Variants in SORT1 observed in about 807,000 individuals in gnomAD.
SORT1 encodes sortilin.
SORT1 carries 39 observed loss-of-function variants against 101.7 expected under a neutral mutation model. That is an observed-to-expected ratio of 0.38 (90% confidence interval 0.30 to 0.50). The LOEUF is 0.50. Among genes scored for constraint, SORT1 ranks in the 20% least tolerant of loss-of-function variants. SORT1 has a pLI of 0.90. For synonymous variants in SORT1, 396 were observed against 393.7 expected, an observed-to-expected ratio of 1.01 and a Z score of -0.07; for missense variants, 878 against 1,040.4, an observed-to-expected ratio of 0.84 and a Z score of 2.15.
intron 1 of SORT1, among the ~76,000 whole-genome samples, chr1:109,378,699 GATATATATATATATATAT>G (rs58847953): frequency 0.034 from 1,188 of 35,450 alleles, 38 homozygotes; most frequent in Admixed American, 0.055. Context: ...TAGAGTGAAT[GATATATATATATATATAT>G]ATATATATAT....
rs912656010 is a variant in SORT1, at chr1:109,310,624, T to G, written c.*3419A>C. The G allele has an allele frequency of 6.5e-6, 1 of 153,214 alleles. No individual in the cohort carries two copies. The highest frequency in any genetic ancestry group is 1.5e-5 in the Non-Finnish European group (1 of 68,036). 9.5% of individuals were successfully genotyped at this position (153,214 alleles called of 1,614,324 possible). Reference sequence around the variant, plus strand: ...CACTTCCAAGTATCCTGGATGAATATAGGGGCGAGGGGCTACACTGACAAT... The same window carrying G: ...CACTTCCAAGTATCCTGGATGAATAGAGGGGCGAGGGGCTACACTGACAAT... On this transcript the variant is annotated 3_prime_UTR_variant, in exon 20 of 20. Coordinates refer to ENST00000256637, the MANE Select transcript of SORT1 (RefSeq NM_002959.7).
chr1:109,358,270 T>C (rs188204678), intron 3 of SORT1, among the ~76,000 whole-genome samples: 51 of 152,324 alleles, frequency 3.3e-4, no homozygotes, highest in African/African-American at 1.2e-3. Context: ...TTTAACATAA[T>C]GCTTTATTTA....
At chr1:109,316,621 A>C (rs959199705) in intron 17 of SORT1, among the ~76,000 whole-genome samples, 2 of 152,190 alleles carry the variant, frequency 1.3e-5, no homozygotes, top group African/African-American at 4.8e-5. Flanking sequence ...ACTTTACAGA[A>C]TATCATCCCC....
chr1:109,351,052 T>C (rs771074022), intron 5 of SORT1, 50 bp from the exon 6 acceptor site: 16 of 1,197,284 alleles, frequency 1.3e-5, no homozygotes, highest in South Asian at 2.4e-5. Flanking sequence ...TCCTGTGTAG[T>C]TGCTTGTATG....
intron 6 of SORT1, 112 bp from the exon 7 acceptor site, chr1:109,347,644 G>C (rs1292136751): frequency 2.8e-6 from 2 of 710,170 alleles, no homozygotes; most frequent in South Asian, 3.2e-5. Context: ...CACAGGCACT[G>C]ACAAGCACCA....
At position 109,351,010 on chromosome 1, in the gene SORT1, AT is replaced by A; in HGVS notation, c.709-9del. 1.3e-6 allele frequency: 2 copies of A among 1,580,420 alleles called. No homozygotes were observed. The highest frequency in any genetic ancestry group is 1.7e-6 in the Non-Finnish European group (2 of 1,149,044). ...GGACACCCACAGGCCATTCTGAAAG[AT>A]TATAAATGACTTATCAAAATTCTAG... On this transcript the variant is annotated splice_polypyrimidine_tract_variant and intron_variant, in intron 5 of 19. Transcript: ENST00000256637.
At chr1:109,368,062 G>A (rs1651208794) in intron 2 of SORT1, among the ~76,000 whole-genome samples, 1 of 152,128 alleles carries the variant, frequency 6.6e-6, no homozygotes, top group Admixed American at 6.5e-5. Context: ...GGGAGGCTGA[G>A]GCGGACGGAT....
intron 8 of SORT1, among the ~76,000 whole-genome samples, chr1:109,343,707 G>A (rs2101585218): frequency 6.6e-6 from 1 of 152,230 alleles, no homozygotes; most frequent in Middle Eastern, 3.4e-3. Context: ...GGAGTGCAGT[G>A]GCATGATCTT....
intron 7 of SORT1, among the ~76,000 whole-genome samples, 157 bp from the exon 8 acceptor site, chr1:109,346,038 G>A (rs867321452): frequency 2.0e-5 from 3 of 152,150 alleles, no homozygotes; most frequent in Non-Finnish European, 2.9e-5. Context: ...GCGGCCAGGC[G>A]CAGTGGCTCA....
At chr1:109,346,473 C>T (rs186715691) in intron 7 of SORT1, among the ~76,000 whole-genome samples, 23 of 151,842 alleles carry the variant, frequency 1.5e-4, no homozygotes, top group African/African-American at 5.1e-4. Context: ...CAGACGGGTG[C>T]GGTGGCTCAC....
intron 1 of SORT1, among the ~76,000 whole-genome samples, chr1:109,390,798 T>TGTGTGTGTGCGC (rs749556914): frequency 6.9e-6 from 1 of 144,864 alleles, no homozygotes; most frequent in African/African-American, 2.6e-5. Flanking sequence ...TGTGTGTGTG[T>TGTGTGTGTGCGC]GCGCGCGCGC....
chr1:109,394,982 T>C (rs908162283), intron 1 of SORT1, among the ~76,000 whole-genome samples: 1 of 152,128 alleles, frequency 6.6e-6, no homozygotes, highest in Non-Finnish European at 1.5e-5. Context: ...GGTCCAAAAA[T>C]ACTAGATCTC....
In SORT1 at chr1:109,395,208, CTTTTTTTTT is replaced by C. The variant is rs71069681; in HGVS notation, c.306+2370_306+2378del. 3.8e-4 allele frequency among the ~76,000 whole-genome samples: 16 copies of C among 42,606 alleles called. No individual in the cohort carries two copies. The Admixed American group carries it at 4.6e-3, about 12-fold the overall frequency. 28.0% of individuals were successfully genotyped at this position (42,606 alleles called of 152,430 possible). A position where few individuals can be genotyped will look rare whatever the true frequency, so the allele number is the denominator to read the frequency against. On this transcript the variant is annotated intron_variant, in intron 1 of 19. Coordinates refer to ENST00000256637, the MANE Select transcript of SORT1 (RefSeq NM_002959.7). ...CACGGATGACTAACAAACGCAAAAACTTTTTTTTTTTTTTTTTTTTTTTTTTTTTTGAGA... is the reference window on the plus strand; with the variant it reads ...CACGGATGACTAACAAACGCAAAAACTTTTTTTTTTTTTTTTTTTTTGAGA...
In SORT1 at chr1:109,342,047, C is replaced by T. The variant is rs769164658; in HGVS notation, c.1075G>A (p.Asp359Asn). ...TCATCTACATGCATGAATACCATGT[C>T]ATCATTTGCTGCCAGAATAGAATAG... ...QFYSILAAND[D>N]MVFMHVDEPG... is the part of the protein sequence containing the mutation. The change falls in exon 9 of 20, where the codon GAC becomes AAC. Residue 359 changes from aspartate (D) to asparagine (N), a missense_variant. Transcript: ENST00000256637. The T allele has an allele frequency of 6.2e-7, 1 of 1,613,822 alleles. No homozygotes were observed. Among genetic ancestry groups the T allele is most frequent in the Non-Finnish European group, 8.5e-7 (1 of 1,179,930 alleles).
chr1:109,309,852 A>G lies in SORT1; in HGVS notation c.*4191T>C, dbSNP rs1271413675. On this transcript the variant is annotated 3_prime_UTR_variant, in exon 20 of 20. Transcript: ENST00000256637. ...GGGCACATGCAGTAATGATCTTAAT[A>G]CTGCTTTACACTTTCGTGGGAAGGC... The G allele has an allele frequency of 6.6e-6, 1 of 152,582 alleles. No individual in the cohort carries two copies. The allele number at this position is 152,582 out of a possible 1,614,324, so 9.5% of individuals were successfully genotyped here. A position where few individuals can be genotyped will look rare whatever the true frequency, so the allele number is the denominator to read the frequency against.
intron 3 of SORT1, 118 bp downstream of exon 3, chr1:109,367,285 AAACTT>A (rs1254421391): frequency 6.3e-6 from 4 of 634,490 alleles, no homozygotes; most frequent in African/African-American, 5.6e-5. Flanking sequence ...AGTCTGGTGA[AAACTT>A]AGGATGGCTA....
chr1:109,344,948 C>G (rs1352842991), intron 8 of SORT1, among the ~76,000 whole-genome samples: 1 of 152,184 alleles, frequency 6.6e-6, no homozygotes, highest in African/African-American at 2.4e-5. Flanking sequence ...CCACCCGCCT[C>G]AGCCTCCCAA....
At chr1:109,359,150 GTGC>G (rs1650544797) in intron 3 of SORT1, among the ~76,000 whole-genome samples, 20 of 152,158 alleles carry the variant, frequency 1.3e-4, no homozygotes. Context: ...GCCAGCAGAT[GTGC>G]TGTCTGGTGA....
rs943541192 is a variant in SORT1 at position 109,369,403 on chromosome 1, C to T, written c.366+127G>A. On this transcript the variant is annotated intron_variant, in intron 2 of 19. Transcript: ENST00000256637. ...ACTTCCTGAAAGTCTGTCTTGCAAACATGTGTTTTCTGTGATTGAGGCTAA... is the reference window on the plus strand; with the variant it reads ...ACTTCCTGAAAGTCTGTCTTGCAAATATGTGTTTTCTGTGATTGAGGCTAA... The T allele has an allele frequency of 4.6e-5, 31 of 669,654 alleles. No individual in the cohort carries two copies. The South Asian group carries it at 4.8e-4, about 10-fold the overall frequency. The allele number at this position is 669,654 out of a possible 1,614,324, so 41.5% of individuals were successfully genotyped here.
Sources: allele counts gnomAD v4.1 joint callset (sites outside exome capture counted in the v4.1 genomes callset), GRCh38; gene constraint gnomAD v4.1.1; transcripts MANE v1.5; gene names NCBI Gene and HGNC (gene_info 2026-07-23, HGNC 2026-07-21).